PTPA: variants seen among roughly 807,000 people sequenced by gnomAD.
The protein encoded by PTPA is protein phosphatase 2 phosphatase activator, also known as serine/threonine-protein phosphatase 2A activator.
In PTPA, 13 loss-of-function variants were observed where a neutral mutation model predicts 43.6. That is an observed-to-expected ratio of 0.30 (90% CI 0.19 to 0.47). The LOEUF (loss-of-function observed/expected upper bound fraction) is 0.47. PTPA is among the 20% of genes least tolerant of loss of function. The pLI, the probability that PTPA is intolerant of heterozygous loss-of-function variation, is 0.99. For synonymous variants in PTPA, 172 were observed against 158.2 expected (o/e 1.09, Z -0.66); for missense variants, 329 against 411.9 (o/e 0.80, Z 1.74).
intron 8 of PTPA, among the ~76,000 whole-genome samples, chr9:129,138,706 C>T (rs1247090513): frequency 6.6e-6 from 1 of 152,168 alleles, no homozygotes; most frequent in South Asian, 2.1e-4. Flanking sequence ...ATTCTGAGCC[C>T]CCGACGAGGT....
chr9:129,136,527 G>C lies in PTPA; in HGVS notation c.617G>C (p.Ser206Thr). 1 of 1,613,980 alleles carries C rather than the reference G, an allele frequency of 6.2e-7. No individual in the cohort carries two copies. The highest frequency in any genetic ancestry group is 8.5e-7 in the Non-Finnish European group (1 of 1,179,904). The part of the protein sequence containing the change: ...QKTYRMEPAG[S>T]QGVWGLDDFQ... ...ACATACAGGATGGAGCCAGCCGGCA[G>C]CCAGGGAGTGTGGGGTCTGGATGAC... The change falls in exon 7 of 10, where the codon AGC becomes ACC. Residue 206 changes from serine to threonine, a missense_variant. Physicochemically the swap from Ser to Thr is moderately conservative, Grantham distance 58. Coordinates refer to ENST00000393370, the MANE Select transcript of PTPA (RefSeq NM_178000.3).
chr9:129,111,214 C>A (rs911493822), upstream of PTPA: 28 of 1,130,340 alleles, frequency 2.5e-5, no homozygotes, highest in East Asian at 4.0e-4. Flanking sequence ...AAAAACATGG[C>A]TGAGCACAAC....
Position 129,111,473 on chromosome 9 carries a change from C to T in PTPA, c.-128C>T. The T allele has an allele frequency of 2.4e-6, 3 of 1,262,214 alleles. No individual in the cohort carries two copies. Among genetic ancestry groups the T allele is most frequent in the Non-Finnish European group, 3.0e-6 (3 of 995,584 alleles). The allele number at this position is 1,262,214 out of a possible 1,614,324, so 78.2% of individuals were successfully genotyped here. ...TTAACTCTCGGTTTTCGGTTATAGCCGGCCGGCGCTCACTTGTCTTCAGGA... is the reference window on the plus strand; with the variant it reads ...TTAACTCTCGGTTTTCGGTTATAGCTGGCCGGCGCTCACTTGTCTTCAGGA... On this transcript the variant is annotated 5_prime_UTR_variant, in exon 1 of 10. Coordinates refer to ENST00000393370, the MANE Select transcript of PTPA (RefSeq NM_178000.3).
At chr9:129,111,001 C>T (rs769886694), upstream of PTPA, 8 of 1,371,034 alleles carry the variant, frequency 5.8e-6, no homozygotes, top group Admixed American at 1.3e-4. Flanking sequence ...CTGTCTCTCC[C>T]CTGTCCCCAC....
intron 1 of PTPA, among the ~76,000 whole-genome samples, chr9:129,120,130 C>A (rs890639510): frequency 6.6e-6 from 1 of 152,130 alleles, no homozygotes; most frequent in African/African-American, 2.4e-5. Context: ...TGGTGACATA[C>A]GTCTGTAATC....
chr9:129,111,428 C>A lies in PTPA; in HGVS notation c.-173C>A. The stretch of plus-strand genomic sequence containing the variant: ...TGAGCGCCCCGCACCGACATGGCGG[C>A]CGTCTTCGCTGTGGTGACTTTAACT... On this transcript the variant is annotated 5_prime_UTR_variant, in exon 1 of 10. Coordinates refer to ENST00000393370, the MANE Select transcript of PTPA (RefSeq NM_178000.3). The A allele has an allele frequency of 8.0e-7, 1 of 1,250,172 alleles. No individual in the cohort carries two copies. Among genetic ancestry groups the A allele is most frequent in the Non-Finnish European group, 1.0e-6 (1 of 990,192 alleles). 77.4% of individuals were successfully genotyped at this position (1,250,172 alleles called of 1,614,324 possible). A position where few individuals can be genotyped will look rare whatever the true frequency, so the allele number is the denominator to read the frequency against.
chr9:129,138,798 A>G (rs1272973675), intron 8 of PTPA, among the ~76,000 whole-genome samples: 1 of 152,194 alleles, frequency 6.6e-6, no homozygotes, highest in African/African-American at 2.4e-5. Context: ...GCCAAACTCC[A>G]GAGGCCAGAG....
Position 129,129,299 on chromosome 9 carries a change from G to A in PTPA, c.342+189G>A, listed in dbSNP as rs117868330. Reference sequence around the variant, plus strand: ...TGCTTGGTCATCTTCTGGGAAACACGACTGTGCACATACGGCCCTCTGCAC... The same window carrying A: ...TGCTTGGTCATCTTCTGGGAAACACAACTGTGCACATACGGCCCTCTGCAC... On this transcript the variant is annotated intron_variant, in intron 4 of 9. Transcript: ENST00000393370. 6.6e-3 allele frequency among the ~76,000 whole-genome samples: 1,001 copies of A among 152,240 alleles called. 5 individuals carry two copies. Among genetic ancestry groups the A allele is most frequent in the Admixed American group, 0.012 (190 of 15,292 alleles).
At chr9:129,127,448 C>T (rs370431660) in intron 3 of PTPA, among the ~76,000 whole-genome samples, 19 of 152,314 alleles carry the variant, frequency 1.2e-4, no homozygotes, top group Admixed American at 7.8e-4. Flanking sequence ...TTTCTTATGC[C>T]GTTTGTTTCC....
chr9:129,128,179 C>A, intron 3 of PTPA: 2 of 576,788 alleles, frequency 3.5e-6, no homozygotes, highest in South Asian at 1.6e-5. Flanking sequence ...GGTTTGAATC[C>A]AGGCCCACCA....
At chr9:129,141,371 A>G (rs371771424) in intron 8 of PTPA, among the ~76,000 whole-genome samples, 1 of 152,118 alleles carries the variant, frequency 6.6e-6, no homozygotes, top group East Asian at 1.9e-4. Flanking sequence ...GCATGTTTCT[A>G]GAACCTTCCA....
intron 8 of PTPA, among the ~76,000 whole-genome samples, chr9:129,141,405 C>G (rs186444217): frequency 1.3e-5 from 2 of 152,200 alleles, no homozygotes; most frequent in African/African-American, 4.8e-5. Context: ...TTGCCAGATT[C>G]AGCCTCTTTG....
At chr9:129,137,730 T>A in intron 8 of PTPA, 38 bp downstream of exon 8, 1 of 1,515,498 alleles carries the variant, frequency 6.6e-7, no homozygotes, top group Non-Finnish European at 9.0e-7. Context: ...CATGGCTGCC[T>A]CCAGGCTCAG....
chr9:129,131,849 T>C (rs1849995677), intron 5 of PTPA, among the ~76,000 whole-genome samples: 1 of 152,232 alleles, frequency 6.6e-6, no homozygotes, highest in South Asian at 2.1e-4. Context: ...AGCTCTGCTG[T>C]GGTCCACCAG....
intron 9 of PTPA, among the ~76,000 whole-genome samples, chr9:129,146,310 A>C (rs1313115549): frequency 6.6e-6 from 1 of 151,610 alleles, no homozygotes; most frequent in South Asian, 2.1e-4. Context: ...CTTGGTTTCC[A>C]TCCTTCTTTC....
chr9:129,147,502 C>G lies in PTPA; in HGVS notation c.*38C>G. On this transcript the variant is annotated 3_prime_UTR_variant, in exon 10 of 10. Coordinates refer to ENST00000393370, the MANE Select transcript of PTPA (RefSeq NM_178000.3). ...CGAAGAGCCACCCAGGCCACAGTTCCTGTGCCTGCCTTCCCCACCCCAGCA... is the reference window on the plus strand; with the variant it reads ...CGAAGAGCCACCCAGGCCACAGTTCGTGTGCCTGCCTTCCCCACCCCAGCA... 6.3e-7 allele frequency: 1 copy of G among 1,587,054 alleles called. No individual in the cohort carries two copies. Among genetic ancestry groups the G allele is most frequent in the Non-Finnish European group, 8.6e-7 (1 of 1,157,698 alleles).
At chr9:129,131,869 A>G (rs1427838526) in intron 5 of PTPA, among the ~76,000 whole-genome samples, 1 of 152,178 alleles carries the variant, frequency 6.6e-6, no homozygotes, top group African/African-American at 2.4e-5. Flanking sequence ...GGGGGAGCTG[A>G]TGCCCCGTGC....
intron 9 of PTPA, chr9:129,143,623 A>G (rs1184453486): frequency 5.0e-6 from 3 of 594,300 alleles, no homozygotes; most frequent in African/African-American, 1.9e-5. Context: ...ATGAGGCTTG[A>G]ACTGAACAGA....
chr9:129,140,877 C>T (rs1160622341), intron 8 of PTPA, among the ~76,000 whole-genome samples: 1 of 152,120 alleles, frequency 6.6e-6, no homozygotes, highest in Non-Finnish European at 1.5e-5. Flanking sequence ...AGAGGTGAGG[C>T]CCCTGTAGGC....
Sources: gnomAD v4.1 joint callset for allele counts (sites outside exome capture counted in the v4.1 genomes callset) on GRCh38, gnomAD v4.1.1 for gene constraint, MANE v1.5 for transcripts, NCBI Gene and HGNC (gene_info 2026-07-23, HGNC 2026-07-21) for gene names.